The following PGPEP1 variants were observed in gnomAD, a reference collection of about 807,000 sequenced individuals.
PGPEP1 encodes the protein pyroglutamyl-peptidase 1.
A neutral mutation model predicts 24.1 loss-of-function variants in PGPEP1; 15 were observed. The ratio of observed to expected loss-of-function variants is 0.62; its 90% CI spans 0.42 to 0.96. The LOEUF is 0.96. PGPEP1 is among the 40% of genes least tolerant of loss of function. The pLI, the probability that PGPEP1 is intolerant of heterozygous loss-of-function variation, is 0.00. For missense variants in PGPEP1, 242 were observed against 273.4 expected, an observed-to-expected ratio of 0.89 and a Z score of 0.81; for synonymous variants, 122 against 116.4, an observed-to-expected ratio of 1.05 and a Z score of -0.31.
At chr19:18,359,741 G>C (rs553615708) in intron 4 of PGPEP1, among the ~76,000 whole-genome samples, 5 of 151,930 alleles carry the variant, frequency 3.3e-5, no homozygotes, top group African/African-American at 1.2e-4. Context: ...TCGAACTCCC[G>C]ACCTCAAGTG....
Position 18,352,593 on chromosome 19 carries a change from G to A in PGPEP1, c.88-3302G>A, listed in dbSNP as rs1050177662. On this transcript the variant is annotated intron_variant, in intron 2 of 4. Transcript: ENST00000269919. ...TTTTGAGACAGAGTCTTGCTCTGTC[G>A]CCCAGGCTAGAGTGCAGTGGCACAA... Among the ~76,000 whole-genome samples the A allele has an allele frequency of 4.6e-5, 7 of 151,300 alleles. No homozygotes were observed. The South Asian group carries it at 6.3e-4, about 14-fold the overall frequency.
chr19:18,340,890 C>A (rs985079413), intron 1 of PGPEP1, among the ~76,000 whole-genome samples, 175 bp downstream of exon 1: 7 of 152,136 alleles, frequency 4.6e-5, no homozygotes, highest in Non-Finnish European at 8.8e-5. Context: ...GGAGGAGGAG[C>A]CTTGGGGGTC....
intron 2 of PGPEP1, among the ~76,000 whole-genome samples, chr19:18,354,961 CTTTTTTTTTTTTTT>C (rs761843314): frequency 1.1e-5 from 1 of 94,716 alleles, no homozygotes; most frequent in African/African-American, 4.5e-5. Context: ...TAAGTCGATA[CTTTTTTTTTTTTTT>C]TTTTTTTTTT....
intron 2 of PGPEP1, among the ~76,000 whole-genome samples, chr19:18,348,055 C>G (rs1291810220): frequency 4.0e-5 from 6 of 151,868 alleles, no homozygotes; most frequent in Non-Finnish European, 8.8e-5. Context: ...CAGAGGGGAC[C>G]CCCCCTTGTC....
rs1212513783 is a variant in PGPEP1, at chr19:18,365,676, T to C, written c.*2093T>C. On this transcript the variant is annotated 3_prime_UTR_variant, in exon 5 of 5. Coordinates refer to ENST00000269919, the MANE Select transcript of PGPEP1 (RefSeq NM_017712.4). Reference sequence around the variant, plus strand: ...TTCTTAAAACAGCTGAGAGTTTTGTTTTCTTCAGCGTTCACCTTCCTTGTC... The same window carrying C: ...TTCTTAAAACAGCTGAGAGTTTTGTCTTCTTCAGCGTTCACCTTCCTTGTC... The C allele has an allele frequency of 6.6e-6, 1 of 152,204 alleles. No homozygotes were observed. The highest frequency in any genetic ancestry group is 2.4e-5 in the African/African-American group (1 of 41,440). The allele number at this position is 152,204 out of a possible 1,614,324, so 9.4% of individuals were successfully genotyped here.
intron 2 of PGPEP1, among the ~76,000 whole-genome samples, chr19:18,349,737 G>A (rs907455528): frequency 2.6e-5 from 4 of 152,156 alleles, no homozygotes; most frequent in African/African-American, 7.2e-5. Flanking sequence ...GCACAGTCTC[G>A]CCACGGGTCA....
intron 4 of PGPEP1, among the ~76,000 whole-genome samples, chr19:18,360,053 G>A (rs568759114): frequency 7.6e-4 from 116 of 152,198 alleles, no homozygotes; most frequent in Non-Finnish European, 1.5e-3. Context: ...TGCATAGGCT[G>A]GAGTCAAGTA....
At chr19:18,342,314 T>G (rs1019445) in intron 1 of PGPEP1, among the ~76,000 whole-genome samples, 1 of 152,032 alleles carries the variant, frequency 6.6e-6, no homozygotes, top group Non-Finnish European at 1.5e-5. Context: ...AAACTGGGCC[T>G]AGGAAACACC....
Position 18,363,651 on chromosome 19 carries a change from G to A in PGPEP1, c.*68G>A, listed in dbSNP as rs116428597. The stretch of plus-strand genomic sequence containing the variant: ...CACGAGGGGACATCCACCCTCTGGG[G>A]TGTGGCCAGGAAAAGACAAGCTCTT... On this transcript the variant is annotated 3_prime_UTR_variant, in exon 5 of 5. Transcript: ENST00000269919. 2.0e-3 allele frequency: 2,482 copies of A among 1,225,328 alleles called. 33 individuals are homozygous for A. In the African/African-American group the frequency reaches 0.029, roughly 14 times the overall value. The allele number at this position is 1,225,328 out of a possible 1,614,324, so 75.9% of individuals were successfully genotyped here. A position where few individuals can be genotyped will look rare whatever the true frequency, so the allele number is the denominator to read the frequency against.
chr19:18,347,270 C>CTTTTTTTTTT (rs59936417), intron 2 of PGPEP1, among the ~76,000 whole-genome samples: 3,194 of 94,228 alleles, frequency 0.034, 13 homozygotes, highest in Non-Finnish European at 0.044. Flanking sequence ...TTCTTTCTTT[C>CTTTTTTTTTT]TTTTTTTTTT....
chr19:18,360,983 C>A (rs536328133), intron 4 of PGPEP1, among the ~76,000 whole-genome samples: 46 of 151,778 alleles, frequency 3.0e-4, no homozygotes, highest in Non-Finnish European at 5.6e-4. Context: ...AGGCACCCAC[C>A]ACCACACCCA....
In PGPEP1 at chr19:18,364,868, C is replaced by CT. The variant is rs1471633986; in HGVS notation, c.*1285_*1286insT. On this transcript the variant is annotated 3_prime_UTR_variant, in exon 5 of 5. Transcript: ENST00000269919. ...TAAAACTCCACATCAGCGGAAACCC[C>CT]CCCCTACTTCTGGCCTGGAGCTTCA... The CT allele has an allele frequency of 6.6e-6, 1 of 151,890 alleles. No individual in the cohort carries two copies. Among genetic ancestry groups the CT allele is most frequent in the Non-Finnish European group, 1.5e-5 (1 of 68,002 alleles). 9.4% of individuals were successfully genotyped at this position (151,890 alleles called of 1,614,324 possible).
chr19:18,343,886 G>A (rs1160896376), intron 2 of PGPEP1, among the ~76,000 whole-genome samples: 1 of 151,876 alleles, frequency 6.6e-6, no homozygotes, highest in Non-Finnish European at 1.5e-5. Context: ...GTTTCACCAT[G>A]ATGGCCAGAC....
intron 2 of PGPEP1, among the ~76,000 whole-genome samples, chr19:18,352,181 A>T (rs1382161749): frequency 6.9e-6 from 1 of 145,502 alleles, no homozygotes; most frequent in Non-Finnish European, 1.5e-5. Flanking sequence ...CTGAGGCAGG[A>T]GAATGGCGTG....
chr19:18,347,566 G>C (rs1209274597), intron 2 of PGPEP1, among the ~76,000 whole-genome samples: 1 of 148,698 alleles, frequency 6.7e-6, no homozygotes, highest in African/African-American at 2.5e-5. Flanking sequence ...CTCTGAATCT[G>C]TCTCTTTCCC....
Position 18,363,775 on chromosome 19 carries a change from A to C in PGPEP1, c.*192A>C. The C allele has an allele frequency of 2.0e-6, 1 of 496,320 alleles. No individual in the cohort carries two copies. The highest frequency in any genetic ancestry group is 3.5e-6 in the Non-Finnish European group (1 of 281,868). 30.7% of individuals were successfully genotyped at this position (496,320 alleles called of 1,614,324 possible). On this transcript the variant is annotated 3_prime_UTR_variant, in exon 5 of 5. Coordinates refer to ENST00000269919, the MANE Select transcript of PGPEP1 (RefSeq NM_017712.4). The stretch of plus-strand genomic sequence containing the variant: ...CGGTTGATTCGAGGGAAGTGGTGAA[A>C]ATTTTTTTTTCTCCCATTTTCCTCC...
chr19:18,341,775 G>A (rs887088515), intron 1 of PGPEP1, among the ~76,000 whole-genome samples: 1 of 152,150 alleles, frequency 6.6e-6, no homozygotes, highest in Non-Finnish European at 1.5e-5. Flanking sequence ...GCTGAGCTGA[G>A]ACTCAAACTT....
chr19:18,355,462 T>A (rs1352294376), intron 2 of PGPEP1, among the ~76,000 whole-genome samples: 1 of 151,968 alleles, frequency 6.6e-6, no homozygotes, highest in African/African-American at 2.4e-5. Flanking sequence ...GGTGACACCA[T>A]GTTGGCTAGA....
rs888662 is a variant in PGPEP1, at chr19:18,341,313, C to T, written c.34+598C>T. ...GCGGAAACCTTTTTGTGTTTTGTGC[C>T]AGGGCTGTTTGTTGGTGAGTCAGGG... On this transcript the variant is annotated intron_variant, in intron 1 of 4. Transcript: ENST00000269919. Among the ~76,000 whole-genome samples, 4,119 of 152,248 alleles carry T rather than the reference C, an allele frequency of 0.027. 313 individuals are homozygous for T. In the East Asian group the frequency reaches 0.31, roughly 12 times the overall value.
Sources: allele counts gnomAD v4.1 joint callset (sites outside exome capture counted in the v4.1 genomes callset), GRCh38; gene constraint gnomAD v4.1.1; transcripts MANE v1.5; gene names NCBI Gene and HGNC (gene_info 2026-07-23, HGNC 2026-07-21).